FGD5: variants seen among roughly 807,000 people sequenced by gnomAD.
FGD5 encodes FYVE, RhoGEF and PH domain-containing protein 5.
Under a neutral mutation model 133.4 loss-of-function variants are expected in FGD5, and 28 were observed. The observed-to-expected ratio is 0.21, with a 90% CI of 0.16 to 0.29. The LOEUF (loss-of-function observed/expected upper bound fraction) is 0.29, where lower values mean the gene tolerates loss of function less well. Ranked by LOEUF, FGD5 falls within the 10% of genes least tolerant of loss-of-function variation. The pLI, the probability that FGD5 is intolerant of heterozygous loss-of-function variation, is 1.00. For synonymous variants in FGD5, 810 were observed against 776.5 expected (o/e 1.04, Z -0.72); for missense variants, 1,858 against 1,895.2 (o/e 0.98, Z 0.36).
chr3:14,863,128 C>T lies in FGD5; in HGVS notation c.2526-1000C>T, dbSNP rs183782534. 2.7e-4 allele frequency among the ~76,000 whole-genome samples: 41 copies of T among 152,330 alleles called. No individual in the cohort carries two copies. The East Asian group carries it at 7.5e-3, about 28-fold the overall frequency. ...GGCTGCTCCCTTCCGTCCTGCCATC[C>T]GTCAGTCATTCCAGTATCTCATCCA... On this transcript the variant is annotated intron_variant, in intron 1 of 19. Coordinates refer to ENST00000285046, the MANE Select transcript of FGD5 (RefSeq NM_152536.4).
intron 4 of FGD5, among the ~76,000 whole-genome samples, chr3:14,896,222 T>C (rs1383785793): frequency 6.6e-6 from 1 of 152,214 alleles, no homozygotes; most frequent in Non-Finnish European, 1.5e-5. Context: ...CAAGGCAGTT[T>C]ATAAATCCAA....
chr3:14,932,472 C>T (rs1458255542), intron 18 of FGD5, 105 bp from the exon 19 acceptor site: 6 of 1,354,240 alleles, frequency 4.4e-6, no homozygotes, highest in Non-Finnish European at 5.0e-6. Flanking sequence ...TGCCAAAGCA[C>T]ACCCCACACA....
chr3:14,820,357 C>T lies in FGD5; in HGVS notation c.1286C>T (p.Pro429Leu), dbSNP rs1246106059. 3 of 1,613,276 alleles carry T rather than the reference C, an allele frequency of 1.9e-6. No homozygotes were observed. The highest frequency in any genetic ancestry group is 2.5e-6 in the Non-Finnish European group (3 of 1,179,662). The change falls in exon 1 of 20, where the codon CCC becomes CTC. Residue 429 changes from proline (P) to leucine (L), a missense_variant. Pro to Leu is a moderately conservative substitution (Grantham distance 98, BLOSUM62 -3). This residue lies in a region of FGD5 where 1,824 missense variants were observed against 1,848.9 expected (regional missense o/e 0.99). Transcript: ENST00000285046. The stretch of plus-strand genomic sequence containing the variant: ...GCCTTGGATGATGCACTGGCCAACC[C>T]CTATGTGATGGGAGTGGGCCTGCCC... ...EEALDDALAN[P>L]YVMGVGLPGQ...
At chr3:14,861,538 GAGAGGCACCTTC>G (rs1257485330) in intron 1 of FGD5, among the ~76,000 whole-genome samples, 1 of 152,252 alleles carries the variant, frequency 6.6e-6, no homozygotes, top group Non-Finnish European at 1.5e-5. Flanking sequence ...CAAGCATGGA[GAGAGGCACCTTC>G]AGAGGCAGTG....
rs755055297 is a variant in FGD5 at position 14,821,333 on chromosome 3, G to T, written c.2262G>T (p.Leu754=). 4.3e-6 allele frequency: 7 copies of T among 1,613,802 alleles called. No individual in the cohort carries two copies. The East Asian group carries it at 1.3e-4, about 31-fold the overall frequency. ...SFEDRSRPPF[L]PLPLTKPRSI... is the part of the protein sequence containing the mutation. ...AAGACCGCTCCCGGCCGCCCTTCCT[G>T]CCCTTGCCACTGACCAAGCCACGGT... Residue 754 remains leucine (L), a synonymous_variant, in exon 1 of 20, where the codon CTG becomes CTT. Coordinates refer to ENST00000285046, the MANE Select transcript of FGD5 (RefSeq NM_152536.4).
At chr3:14,818,857 A>G (rs2036423193), upstream of FGD5, 1 of 1,302,772 alleles carries the variant, frequency 7.7e-7, no homozygotes, top group Non-Finnish European at 1.0e-6. Context: ...GGATGGACGG[A>G]ACCATCTGTG....
intron 8 of FGD5, 21 bp downstream of exon 8, chr3:14,900,474 G>A (rs1393899825): frequency 1.9e-6 from 3 of 1,611,986 alleles, no homozygotes; most frequent in Non-Finnish European, 2.5e-6. Flanking sequence ...CGTGAATGCG[G>A]AGGGAGGTAC....
chr3:14,889,414 G>A (rs1053031849), intron 4 of FGD5, among the ~76,000 whole-genome samples: 8 of 152,278 alleles, frequency 5.3e-5, no homozygotes, highest in South Asian at 2.1e-4. Context: ...AGCTGTTCAC[G>A]GGTATCAGTG....
intron 1 of FGD5, chr3:14,811,287 A>G (rs1427504280): frequency 6.6e-6 from 1 of 152,032 alleles, no homozygotes; most frequent in Non-Finnish European, 1.5e-5. Context: ...GCAACACCTG[A>G]CCCACGGGGC....
intron 1 of FGD5, among the ~76,000 whole-genome samples, chr3:14,861,804 T>G (rs2037402887): frequency 6.6e-6 from 1 of 152,156 alleles, no homozygotes; most frequent in South Asian, 2.1e-4. Flanking sequence ...TCCCGCAGGC[T>G]TGCTGGACAG....
At chr3:14,874,660 TTCAG>T (rs1395321438) in intron 2 of FGD5, among the ~76,000 whole-genome samples, 1 of 152,166 alleles carries the variant, frequency 6.6e-6, no homozygotes, top group Non-Finnish European at 1.5e-5. Context: ...CTCAGGGCTA[TTCAG>T]CAGGTTGGAG....
chr3:14,857,720 TG>T (rs2037311400), intron 1 of FGD5, among the ~76,000 whole-genome samples: 1 of 152,130 alleles, frequency 6.6e-6, no homozygotes. Flanking sequence ...GATGGAAGGA[TG>T]GGGCAGTCTG....
chr3:14,898,211 G>A, intron 6 of FGD5, 116 bp downstream of exon 6: 1 of 1,349,364 alleles, frequency 7.4e-7, no homozygotes, highest in Non-Finnish European at 1.0e-6. Context: ...GGAGCAGACA[G>A]GGAAGACCTG....
chr3:14,882,462 C>A, intron 4 of FGD5: 1 of 507,736 alleles, frequency 2.0e-6, no homozygotes, highest in Non-Finnish European at 2.5e-6. Flanking sequence ...CTTTGGGAGG[C>A]CGAGGTGGGC....
chr3:14,897,358 AG>A (rs2038157087), intron 4 of FGD5, 150 bp from the exon 5 acceptor site: 1 of 875,672 alleles, frequency 1.1e-6, no homozygotes, highest in African/African-American at 1.7e-5. Context: ...TCTGCTTTGT[AG>A]GTGAGACTGT....
intron 1 of FGD5, among the ~76,000 whole-genome samples, chr3:14,849,197 G>C (rs2037114621): frequency 6.6e-6 from 1 of 152,182 alleles, no homozygotes; most frequent in Admixed American, 6.5e-5. Context: ...CCCCCATCCA[G>C]GCATCCCACT....
At chr3:14,932,430 G>T (rs1483166417) in intron 18 of FGD5, 147 bp from the exon 19 acceptor site, 3 of 867,810 alleles carry the variant, frequency 3.5e-6, no homozygotes, top group Non-Finnish European at 5.2e-6. Context: ...GGGAAGCGAG[G>T]GTCAACAGTT....
intron 9 of FGD5, among the ~76,000 whole-genome samples, chr3:14,903,133 C>A (rs539647954): frequency 6.6e-6 from 1 of 152,336 alleles, no homozygotes; most frequent in African/African-American, 2.4e-5. Flanking sequence ...CCATTCATCT[C>A]CAGAACTTCT....
intron 2 of FGD5, among the ~76,000 whole-genome samples, chr3:14,872,611 T>C (rs1219653759): frequency 1.3e-5 from 2 of 152,224 alleles, no homozygotes; most frequent in Non-Finnish European, 2.9e-5. Flanking sequence ...GCACGTGTGA[T>C]AAGCAAGCGT....
Sources: allele counts gnomAD v4.1 joint callset (sites outside exome capture counted in the v4.1 genomes callset), GRCh38; gene constraint gnomAD v4.1.1; regional missense constraint gnomAD v4.1.1; transcripts MANE v1.5; gene names NCBI Gene and HGNC (gene_info 2026-07-23, HGNC 2026-07-21).